The following PTPN21 variants were observed in gnomAD, a reference collection of about 807,000 sequenced individuals.
PTPN21 encodes tyrosine-protein phosphatase non-receptor type 21.
A neutral mutation model predicts 131.8 loss-of-function variants in PTPN21; 77 were observed. The observed-to-expected ratio is 0.58, with a 90% CI of 0.49 to 0.71. PTPN21 has a LOEUF of 0.71. Ranked by LOEUF, PTPN21 falls within the 30% of genes least tolerant of loss-of-function variation. PTPN21 has a pLI of 0.00. For missense variants in PTPN21, 1,552 were observed against 1,527.1 expected (o/e 1.02, Z -0.27); for synonymous variants, 715 against 621.3 (o/e 1.15, Z -2.24).
Position 88,479,826 on chromosome 14 carries a change from G to A in PTPN21, c.1605C>T (p.Gly535=), listed in dbSNP as rs775910147. The part of the protein sequence containing the change: ...PYPAERRPVV[G]AVSVPELTNA... ...TGGTCAGCTCCGGCACGCTGACCGC[G>A]CCCACCACGGGCCGCCGCTCGGCAG... The change falls in exon 13 of 19, where the codon GGC becomes GGT. Residue 535 remains glycine, a synonymous_variant. Coordinates refer to ENST00000556564, the MANE Select transcript of PTPN21 (RefSeq NM_007039.4). 4 of 1,549,154 alleles carry A rather than the reference G, an allele frequency of 2.6e-6. No individual in the cohort carries two copies. Among genetic ancestry groups the A allele is most frequent in the Non-Finnish European group, 2.6e-6 (3 of 1,153,152 alleles).
At chr14:88,490,134 G>A (rs766858718) in intron 10 of PTPN21, among the ~76,000 whole-genome samples, 6 of 151,606 alleles carry the variant, frequency 4.0e-5, no homozygotes, top group South Asian at 2.1e-4. Context: ...TCAGCCTTCC[G>A]AGCAGCTGGG....
intron 8 of PTPN21, among the ~76,000 whole-genome samples, chr14:88,499,104 G>T (rs1325171516): frequency 6.6e-6 from 1 of 152,094 alleles, no homozygotes; most frequent in Non-Finnish European, 1.5e-5. Context: ...TGAAGCCACG[G>T]ATCCATTTTC....
intron 14 of PTPN21, among the ~76,000 whole-genome samples, chr14:88,473,173 T>C (rs2077497436): frequency 6.6e-6 from 1 of 152,154 alleles, no homozygotes; most frequent in South Asian, 2.1e-4. Flanking sequence ...GTAGGAAATA[T>C]TCGAAACTAC....
At position 88,533,845 on chromosome 14, in the gene PTPN21, T is replaced by C. The variant is rs951576935; in HGVS notation, c.180+16393A>G. 1.4e-4 allele frequency among the ~76,000 whole-genome samples: 22 copies of C among 152,096 alleles called. 2 individuals carry two copies. On this transcript the variant is annotated intron_variant, in intron 2 of 18. Transcript: ENST00000556564. Reference sequence around the variant, plus strand: ...GTGATTGAGCCACTGCACTACAGCCTGGGTGACAGAATGAGACCCTCTTTC... The same window carrying C: ...GTGATTGAGCCACTGCACTACAGCCCGGGTGACAGAATGAGACCCTCTTTC...
At chr14:88,500,578 C>T (rs1448853484) in intron 8 of PTPN21, among the ~76,000 whole-genome samples, 1 of 152,192 alleles carries the variant, frequency 6.6e-6, no homozygotes, top group Non-Finnish European at 1.5e-5. Context: ...AGGCATTATA[C>T]TCTGGACATA....
At chr14:88,526,816 T>TC (rs1171492165) in intron 2 of PTPN21, among the ~76,000 whole-genome samples, 3 of 152,086 alleles carry the variant, frequency 2.0e-5, no homozygotes, top group Admixed American at 6.6e-5. Flanking sequence ...TTCCCATCCT[T>TC]CCCCTGGAAA....
At chr14:88,474,260 C>G (rs1462825961) in intron 13 of PTPN21, among the ~76,000 whole-genome samples, 1 of 150,756 alleles carries the variant, frequency 6.6e-6, no homozygotes, top group African/African-American at 2.4e-5. Context: ...GGGGCACCAT[C>G]ATAGCTCACT....
At chr14:88,478,874 C>T (rs774704989) in intron 13 of PTPN21, 46 bp downstream of exon 13, 5 of 1,321,194 alleles carry the variant, frequency 3.8e-6, no homozygotes, top group Middle Eastern at 2.0e-4. Context: ...AGCGCCAGGG[C>T]GAACGCGCGG....
intron 10 of PTPN21, among the ~76,000 whole-genome samples, chr14:88,490,178 T>C (rs1206709532): frequency 2.0e-5 from 3 of 151,936 alleles, no homozygotes; most frequent in Non-Finnish European, 4.4e-5. Context: ...CAGGCTAAGT[T>C]TTGCATTTTT....
chr14:88,476,921 T>C (rs1416813510), intron 13 of PTPN21, among the ~76,000 whole-genome samples: 1 of 152,216 alleles, frequency 6.6e-6, no homozygotes, highest in East Asian at 1.9e-4. Flanking sequence ...CAGATTTAAC[T>C]GAACCTACCA....
intron 3 of PTPN21, 66 bp downstream of exon 3, chr14:88,517,026 C>G: frequency 6.4e-7 from 1 of 1,553,354 alleles, no homozygotes; most frequent in East Asian, 2.3e-5. Context: ...CTGACTTCAA[C>G]CTTAGTTTCA....
intron 2 of PTPN21, among the ~76,000 whole-genome samples, chr14:88,534,487 T>C (rs1162485467): frequency 6.6e-6 from 1 of 152,170 alleles, no homozygotes; most frequent in Non-Finnish European, 1.5e-5. Context: ...CTGTACAATG[T>C]GTCTGTGTTT....
rs1375707004 is a variant in PTPN21, at chr14:88,479,641, C to T, written c.1790G>A (p.Arg597Gln). The change falls in exon 13 of 19, where the codon CGG becomes CAG. Residue 597 changes from arginine (R) to glutamine (Q), a missense_variant. Around this residue, in one of 4 missense-constraint regions of PTPN21, gnomAD observed 1,016 missense variants for 883.5 expected, o/e 1.15. Coordinates refer to ENST00000556564, the MANE Select transcript of PTPN21 (RefSeq NM_007039.4). ...ISSSNPDLIT[R>Q]RVHHSVQTFQ... ...CGTTTGCACCGAGTGGTGCACGCGC[C>T]GCGTGATGAGGTCGGGGTTGCTGCT... The T allele has an allele frequency of 2.6e-6, 4 of 1,516,474 alleles. No individual in the cohort carries two copies. Among genetic ancestry groups the T allele is most frequent in the Admixed American group, 3.8e-5 (2 of 52,860 alleles). The allele number at this position is 1,516,474 out of a possible 1,614,324, so 93.9% of individuals were successfully genotyped here.
chr14:88,489,996 T>C (rs1436978456), intron 10 of PTPN21, among the ~76,000 whole-genome samples: 2 of 151,384 alleles, frequency 1.3e-5, no homozygotes, highest in Non-Finnish European at 2.9e-5. Context: ...TCCAGCCCCA[T>C]GAAATGTGTG....
intron 10 of PTPN21, among the ~76,000 whole-genome samples, chr14:88,494,472 G>A (rs781357283): frequency 1.3e-4 from 20 of 151,892 alleles, no homozygotes; most frequent in Admixed American, 1.0e-3. Context: ...GTTTGAGACC[G>A]GTGTGGGTAA....
At chr14:88,542,466 G>T (rs755777889) in intron 2 of PTPN21, among the ~76,000 whole-genome samples, 1 of 152,114 alleles carries the variant, frequency 6.6e-6, no homozygotes, top group Non-Finnish European at 1.5e-5. Context: ...GTGACAGACT[G>T]ATGGTAAGAA....
chr14:88,531,257 C>G (rs1457666574), intron 2 of PTPN21, among the ~76,000 whole-genome samples: 3 of 152,020 alleles, frequency 2.0e-5, no homozygotes, highest in Non-Finnish European at 4.4e-5. Flanking sequence ...GTGACACAAC[C>G]TATAAAACCT....
rs1471598944 is a variant in PTPN21 at position 88,550,345 on chromosome 14, C to T, written c.73G>A (p.Ala25Thr). 2 of 1,614,246 alleles carry T rather than the reference C, an allele frequency of 1.2e-6. No homozygotes were observed. Among genetic ancestry groups the T allele is most frequent in the Admixed American group, 3.3e-5 (2 of 60,032 alleles). The change falls in exon 2 of 19, where the codon GCC (alanine) becomes ACC (threonine). Residue 25 changes from alanine (A) to threonine (T), a missense_variant. Physicochemically the swap from Ala to Thr is moderately conservative, Grantham distance 58 (BLOSUM62 0). Coordinates refer to ENST00000556564, the MANE Select transcript of PTPN21 (RefSeq NM_007039.4). ...TCGTTATTAAGCAGTTGGATCCGGG[C>T]AACCAGGCAACTCTTGCTGGACACC... Reference protein sequence around the residue: ...YTVSSKSCLVARIQLLNNEFV... With the variant: ...YTVSSKSCLVTRIQLLNNEFV...
intron 3 of PTPN21, among the ~76,000 whole-genome samples, chr14:88,509,620 T>A (rs1019927151): frequency 6.6e-6 from 1 of 152,226 alleles, no homozygotes; most frequent in African/African-American, 2.4e-5. Flanking sequence ...CTTGAGATTT[T>A]CTATATGGCA....
Sources: gnomAD v4.1 joint callset for allele counts (sites outside exome capture counted in the v4.1 genomes callset) on GRCh38, gnomAD v4.1.1 for gene constraint, gnomAD v4.1.1 regional missense constraint, MANE v1.5 for transcripts, NCBI Gene and HGNC (gene_info 2026-07-23, HGNC 2026-07-21) for gene names.